MYMX: variants seen among roughly 807,000 people sequenced by gnomAD.
MYMX encodes myomixer, myoblast fusion factor, also known as protein myomixer.
the MYMX span, among the ~76,000 whole-genome samples, chr6:44,197,211 G>A: frequency 6.6e-6 from 1 of 152,152 alleles, no homozygotes; most frequent in Non-Finnish European, 1.5e-5. Context: ...ACTCCAGCCT[G>A]GGGGACAGAG....
chr6:44,195,846 T>C, the MYMX span, among the ~76,000 whole-genome samples: 4 of 152,240 alleles, frequency 2.6e-5, no homozygotes. Context: ...TATGAATAAA[T>C]CTAAATTTAC....
chr6:44,195,229 G>A, the MYMX span, among the ~76,000 whole-genome samples: 2 of 152,092 alleles, frequency 1.3e-5, no homozygotes, highest in East Asian at 3.9e-4. Context: ...ATGTTGGCTA[G>A]GCTGGTCTCC....
chr6:44,197,165 A>G, the MYMX span, among the ~76,000 whole-genome samples: 1 of 151,936 alleles, frequency 6.6e-6, no homozygotes, highest in African/African-American at 2.4e-5. Flanking sequence ...GAACCCAGGA[A>G]GCAGAGGCTG....
the MYMX span, among the ~76,000 whole-genome samples, chr6:44,207,626 G>A: frequency 1.3e-5 from 2 of 151,570 alleles, no homozygotes; most frequent in African/African-American, 2.4e-5. Flanking sequence ...TCCACCTCCC[G>A]GGTTCAAGCG....
chr6:44,194,058 G>A, the MYMX span, among the ~76,000 whole-genome samples: 4 of 151,928 alleles, frequency 2.6e-5, no homozygotes, highest in Non-Finnish European at 4.4e-5. Flanking sequence ...TGTTCAAAAT[G>A]TAGCAGCTCT....
At chr6:44,211,764 C>T in the MYMX span, among the ~76,000 whole-genome samples, 1 of 138,900 alleles carries the variant, frequency 7.2e-6, no homozygotes, top group Non-Finnish European at 1.5e-5. Flanking sequence ...ATTACAGGCA[C>T]ACGCCACCAT....
chr6:44,212,082 G>A (rs1243876398), upstream of MYMX, among the ~76,000 whole-genome samples: 3 of 152,072 alleles, frequency 2.0e-5, no homozygotes, highest in African/African-American at 7.2e-5. Flanking sequence ...GGCTAAAAGA[G>A]AGGATTTAAA....
the MYMX span, among the ~76,000 whole-genome samples, chr6:44,195,473 A>G: frequency 1.6e-5 from 2 of 126,970 alleles, no homozygotes; most frequent in Admixed American, 7.7e-5. Context: ...TTTTTTTTTT[A>G]TGTGTGTGTG....
In MYMX at chr6:44,217,885, A is replaced by C. The variant is rs984041855; in HGVS notation, c.*159A>C. 4 of 398,594 alleles carry C rather than the reference A, an allele frequency of 1.0e-5. No homozygotes were observed. The highest frequency in any genetic ancestry group is 1.8e-5 in the Non-Finnish European group (4 of 226,024). 24.7% of individuals were successfully genotyped at this position (398,594 alleles called of 1,614,324 possible). A position where few individuals can be genotyped will look rare whatever the true frequency, so the allele number is the denominator to read the frequency against. ...CCACAGACATGCCTCTCCACTCCCA[A>C]CAGAAATGTCTTTCTGGAAGAATGC... On this transcript the variant is annotated 3_prime_UTR_variant, in exon 2 of 2. Transcript: ENST00000573382.
chr6:44,202,266 T>C, the MYMX span, among the ~76,000 whole-genome samples: 1 of 152,136 alleles, frequency 6.6e-6, no homozygotes, highest in African/African-American at 2.4e-5. Context: ...ACAATGTATG[T>C]TGTCATGTCT....
At chr6:44,206,280 A>G in the MYMX span, among the ~76,000 whole-genome samples, 1 of 152,000 alleles carries the variant, frequency 6.6e-6, no homozygotes, top group Non-Finnish European at 1.5e-5. Context: ...CGCCCAGGCT[A>G]GAGTGCAGTG....
At chr6:44,211,999 C>T (rs1016267140), upstream of MYMX, among the ~76,000 whole-genome samples, 2 of 152,026 alleles carry the variant, frequency 1.3e-5, no homozygotes, top group African/African-American at 2.4e-5. Flanking sequence ...TAGATTTGAA[C>T]ACCTGGGTTT....
At chr6:44,198,214 G>A in the MYMX span, among the ~76,000 whole-genome samples, 1 of 127,748 alleles carries the variant, frequency 7.8e-6, no homozygotes, top group Non-Finnish European at 1.6e-5. Flanking sequence ...CCAGGCTGGA[G>A]TGCAGTGGTG....
At chr6:44,215,128 G>A (rs147937252), upstream of MYMX, among the ~76,000 whole-genome samples, 117 of 152,324 alleles carry the variant, frequency 7.7e-4, 1 homozygote, top group East Asian at 0.021. Context: ...TGATGGAGAT[G>A]ATGATGCTAG....
the MYMX span, among the ~76,000 whole-genome samples, chr6:44,198,710 AT>A: frequency 0.052 from 7,019 of 135,168 alleles, 450 homozygotes; most frequent in African/African-American, 0.18. Context: ...TGCCACCAGA[AT>A]TTTTTTTTTT....
chr6:44,201,574 T>C, the MYMX span, among the ~76,000 whole-genome samples: 1 of 152,194 alleles, frequency 6.6e-6, no homozygotes, highest in Non-Finnish European at 1.5e-5. Flanking sequence ...CAGGCCTCCC[T>C]TGATTCTTCA....
At chr6:44,201,654 T>A in the MYMX span, among the ~76,000 whole-genome samples, 1 of 152,300 alleles carries the variant, frequency 6.6e-6, no homozygotes, top group East Asian at 1.9e-4. Flanking sequence ...GCATCAGGCC[T>A]CCAAGGAGCA....
upstream of MYMX, among the ~76,000 whole-genome samples, chr6:44,214,725 A>G (rs1484708129): frequency 6.6e-6 from 1 of 152,166 alleles, no homozygotes; most frequent in Non-Finnish European, 1.5e-5. Flanking sequence ...GGCGCATGCC[A>G]GCACCCCTGG....
chr6:44,196,839 T>C, the MYMX span, among the ~76,000 whole-genome samples: 2 of 151,946 alleles, frequency 1.3e-5, no homozygotes, highest in Non-Finnish European at 1.5e-5. Context: ...ATGCCTGTAA[T>C]CCCAGCTGCT....
Sources: allele counts gnomAD v4.1 joint callset (sites outside exome capture counted in the v4.1 genomes callset), GRCh38; gene constraint gnomAD v4.1.1; transcripts MANE v1.5; gene names NCBI Gene and HGNC (gene_info 2026-07-23, HGNC 2026-07-21).